Variants in TEK observed in about 807,000 individuals in gnomAD.
TEK encodes angiopoietin-1 receptor.
Under a neutral mutation model 131.8 loss-of-function variants are expected in TEK, and 43 were observed. That is an observed-to-expected ratio of 0.33 (90% CI 0.26 to 0.42). TEK has a LOEUF of 0.42. TEK is among the 10% of genes least tolerant of loss of function. The pLI is 1.00. For missense variants in TEK, 1,162 were observed against 1,384.4 expected, an observed-to-expected ratio of 0.84 and a Z score of 2.55; for synonymous variants, 580 against 491.6, an observed-to-expected ratio of 1.18 and a Z score of -2.38.
intron 1 of TEK, among the ~76,000 whole-genome samples, chr9:27,145,951 A>G (rs2131095104): frequency 6.6e-6 from 1 of 152,344 alleles, no homozygotes; most frequent in Admixed American, 6.5e-5. Context: ...ATAAGTGAAT[A>G]TCTTCTATGG....
At chr9:27,228,819 C>T (rs1456326535) in intron 22 of TEK, among the ~76,000 whole-genome samples, 1 of 150,414 alleles carries the variant, frequency 6.6e-6, no homozygotes, top group Non-Finnish European at 1.5e-5. Context: ...CAGGTGAGAT[C>T]ACACAGATGT....
At chr9:27,180,970 A>G (rs945725667) in intron 7 of TEK, among the ~76,000 whole-genome samples, 1 of 152,232 alleles carries the variant, frequency 6.6e-6, no homozygotes, top group African/African-American at 2.4e-5. Flanking sequence ...GAGCTATGCC[A>G]TCATTGCCAT....
chr9:27,183,284 A>T (rs1587563590), intron 7 of TEK, among the ~76,000 whole-genome samples, 175 bp from the exon 8 acceptor site: 1 of 152,268 alleles, frequency 6.6e-6, no homozygotes, highest in East Asian at 1.9e-4. Flanking sequence ...TCATCCATAA[A>T]ATGGGAGACC....
chr9:27,216,572 A>C (rs899003000), intron 18 of TEK, among the ~76,000 whole-genome samples: 10 of 152,128 alleles, frequency 6.6e-5, no homozygotes, highest in African/African-American at 1.9e-4. Context: ...GAGAACAATA[A>C]ATAGGTAGAT....
At chr9:27,161,423 G>A (rs1823543831) in intron 2 of TEK, among the ~76,000 whole-genome samples, 1 of 152,220 alleles carries the variant, frequency 6.6e-6, no homozygotes, top group Admixed American at 6.5e-5. Context: ...AAGAAGCATC[G>A]ATTTACACAG....
At chr9:27,141,156 A>G (rs372931251) in intron 1 of TEK, among the ~76,000 whole-genome samples, 1 of 152,118 alleles carries the variant, frequency 6.6e-6, no homozygotes, top group South Asian at 2.1e-4. Flanking sequence ...CATAAATGCT[A>G]GTCAATCTTA....
intron 20 of TEK, among the ~76,000 whole-genome samples, chr9:27,219,565 C>T (rs754844817): frequency 5.9e-5 from 9 of 151,868 alleles, no homozygotes; most frequent in Non-Finnish European, 8.8e-5. Flanking sequence ...GATGATGGGT[C>T]GATAGGTGCA....
intron 1 of TEK, among the ~76,000 whole-genome samples, chr9:27,149,959 A>G (rs1823065222): frequency 6.6e-6 from 1 of 152,162 alleles, no homozygotes; most frequent in African/African-American, 2.4e-5. Context: ...AGGGAAGATG[A>G]TGAGGCAGCA....
At position 27,180,286 on chromosome 9, in the gene TEK, C is replaced by T. The variant is rs1380251264; in HGVS notation, c.948C>T (p.Ser316=). The change falls in exon 7 of 23, where the codon AGC becomes AGT. Residue 316 remains serine (S), a synonymous_variant. Coordinates refer to ENST00000380036, the MANE Select transcript of TEK (RefSeq NM_000459.5). ...FYGPDCKLRC[S]CNNGEMCDRF... ...GGCCAGATTGTAAGCTTAGGTGCAG[C>T]TGCAACAATGGGGAGATGTGTGATC... The T allele has an allele frequency of 6.2e-7, 1 of 1,613,926 alleles. No homozygotes were observed. Among genetic ancestry groups the T allele is most frequent in the Non-Finnish European group, 8.5e-7 (1 of 1,179,892 alleles).
chr9:27,173,442 A>G (rs1443281876), intron 6 of TEK, 80 bp downstream of exon 6: 1 of 1,579,162 alleles, frequency 6.3e-7, no homozygotes. Flanking sequence ...CAATCACAAC[A>G]TCGGATATAC....
intron 10 of TEK, among the ~76,000 whole-genome samples, chr9:27,191,013 T>C (rs1334812): frequency 0.067 from 10,152 of 152,202 alleles, 483 homozygotes; most frequent in South Asian, 0.13. Flanking sequence ...AGGCACTTGT[T>C]TATGCCATGA....
intron 18 of TEK, among the ~76,000 whole-genome samples, chr9:27,216,192 C>T (rs1346756556): frequency 2.6e-5 from 4 of 152,094 alleles, no homozygotes; most frequent in Admixed American, 2.0e-4. Context: ...AGGAATAGAA[C>T]TACATGGTCA....
chr9:27,162,540 C>T (rs1172872321), intron 2 of TEK, among the ~76,000 whole-genome samples: 2 of 152,180 alleles, frequency 1.3e-5, no homozygotes, highest in African/African-American at 4.8e-5. Context: ...TTTATTCCTA[C>T]TTTCATTTGA....
intron 17 of TEK, 37 bp from the exon 18 acceptor site, chr9:27,213,447 T>A (rs1431544524): frequency 6.6e-7 from 1 of 1,523,676 alleles, no homozygotes; most frequent in Non-Finnish European, 9.1e-7. Context: ...GGGGCTTTCA[T>A]TAGGCTGAAA....
At chr9:27,224,633 A>G (rs543238182) in intron 21 of TEK, among the ~76,000 whole-genome samples, 13 of 152,320 alleles carry the variant, frequency 8.5e-5, no homozygotes, top group African/African-American at 1.2e-4. Flanking sequence ...GTTTATGACA[A>G]ACCCACAGCC....
chr9:27,181,880 T>C (rs1177012348), intron 7 of TEK, among the ~76,000 whole-genome samples: 1 of 152,214 alleles, frequency 6.6e-6, no homozygotes, highest in East Asian at 1.9e-4. Flanking sequence ...TCCAGTGAAA[T>C]CTACACTCAC....
rs1398591080 is a variant in TEK at position 27,178,000 on chromosome 9, G to T, written c.902-2240G>T. Reference sequence around the variant, plus strand: ...ACATTTGTCTATTTGTGCTTTTGTTGTCTGTGCTTTTGAGGTCATATCCAA... The same window carrying T: ...ACATTTGTCTATTTGTGCTTTTGTTTTCTGTGCTTTTGAGGTCATATCCAA... On this transcript the variant is annotated intron_variant, in intron 6 of 22. Transcript: ENST00000380036. Among the ~76,000 whole-genome samples the T allele has an allele frequency of 2.6e-5, 4 of 152,000 alleles. 1 individual carries two copies. Among genetic ancestry groups the T allele is most frequent in the South Asian group, 2.1e-4 (1 of 4,822 alleles).
intron 2 of TEK, among the ~76,000 whole-genome samples, chr9:27,161,444 C>T (rs1206482705): frequency 6.6e-6 from 1 of 152,162 alleles, no homozygotes; most frequent in Non-Finnish European, 1.5e-5. Context: ...TGAACGTTGT[C>T]CCTAAAAGCT....
chr9:27,211,728 C>A (rs963653065), intron 16 of TEK, among the ~76,000 whole-genome samples: 12 of 152,014 alleles, frequency 7.9e-5, no homozygotes, highest in Non-Finnish European at 1.8e-4. Flanking sequence ...CCTTGGCCTC[C>A]CAGAGTGCCG....
Sources: gnomAD v4.1 joint callset for allele counts (sites outside exome capture counted in the v4.1 genomes callset) on GRCh38, gnomAD v4.1.1 for gene constraint, MANE v1.5 for transcripts, NCBI Gene and HGNC (gene_info 2026-07-23, HGNC 2026-07-21) for gene names.